Variants in FER observed in about 807,000 individuals in gnomAD.
FER encodes FER tyrosine kinase, also known as tyrosine-protein kinase Fer.
FER carries 63 observed loss-of-function variants against 111.0 expected under a neutral mutation model. The observed-to-expected ratio is 0.57, with a 90% CI of 0.46 to 0.70. The LOEUF is 0.70. Ranked by LOEUF, FER falls within the 30% of genes least tolerant of loss-of-function variation. The pLI is 0.00. For missense variants in FER, 914 were observed against 954.0 expected (o/e 0.96, Z 0.55); for synonymous variants, 327 against 313.9 (o/e 1.04, Z -0.44).
At chr5:109,115,736 G>T (rs1750152418) in intron 17 of FER, among the ~76,000 whole-genome samples, 1 of 151,850 alleles carries the variant, frequency 6.6e-6, no homozygotes, top group African/African-American at 2.4e-5. Context: ...GCTTCCAATT[G>T]TTTTGTGGTT....
Position 109,189,451 on chromosome 5 carries a change from A to C in FER, c.*1876A>C, listed in dbSNP as rs765711828. 6.6e-6 allele frequency: 1 copy of C among 152,230 alleles called. No individual in the cohort carries two copies. The highest frequency in any genetic ancestry group is 1.5e-5 in the Non-Finnish European group (1 of 68,036). The allele number at this position is 152,230 out of a possible 1,614,324, so 9.4% of individuals were successfully genotyped here. On this transcript the variant is annotated 3_prime_UTR_variant, in exon 20 of 20. Coordinates refer to ENST00000281092, the MANE Select transcript of FER (RefSeq NM_005246.4). The stretch of plus-strand genomic sequence containing the variant: ...AGTACTTTAGAGTATGAAAGATAAT[A>C]CTGAAGAGAAAAGTGACTTGTATCT...
intron 16 of FER, among the ~76,000 whole-genome samples, chr5:109,067,761 A>T (rs1775290976): frequency 6.6e-6 from 1 of 152,110 alleles, no homozygotes; most frequent in Non-Finnish European, 1.5e-5. Flanking sequence ...ATCTAAATAG[A>T]TATGGTATAG....
chr5:109,041,980 C>A (rs1771244503), intron 14 of FER, among the ~76,000 whole-genome samples: 1 of 152,030 alleles, frequency 6.6e-6, no homozygotes, highest in African/African-American at 2.4e-5. Flanking sequence ...TGGGTCTTCT[C>A]AAGTGAGAGC....
intron 13 of FER, among the ~76,000 whole-genome samples, chr5:109,020,674 T>G (rs78504582): frequency 0.011 from 1,647 of 152,118 alleles, 26 homozygotes; most frequent in African/African-American, 0.038. Context: ...TTGTGAACTT[T>G]TGGCACACAC....
intron 10 of FER, among the ~76,000 whole-genome samples, chr5:108,902,893 T>G (rs970165407): frequency 3.3e-5 from 5 of 151,134 alleles, no homozygotes; most frequent in Non-Finnish European, 5.9e-5. Flanking sequence ...ATCAGCTGCT[T>G]TCTTATTATA....
intron 16 of FER, among the ~76,000 whole-genome samples, chr5:109,091,234 G>A (rs1746705871): frequency 6.6e-6 from 1 of 152,176 alleles, no homozygotes; most frequent in African/African-American, 2.4e-5. Context: ...CACTTTTAAG[G>A]GGGCTGGGGA....
Position 108,954,729 on chromosome 5 carries a change from C to A in FER, c.1330C>A (p.Leu444Ile). The A allele has an allele frequency of 6.6e-7, 1 of 1,522,206 alleles. No homozygotes were observed. The highest frequency in any genetic ancestry group is 8.8e-7 in the Non-Finnish European group (1 of 1,136,998). 94.3% of individuals were successfully genotyped at this position (1,522,206 alleles called of 1,614,324 possible). The change falls in exon 12 of 20, where the codon CTT (leucine) becomes ATT (isoleucine). Residue 444 changes from leucine to isoleucine, a missense_variant and splice_region_variant. Transcript: ENST00000281092. The stretch of plus-strand genomic sequence containing the variant: ...TTTTTTTTTTTAATATTTGTTTAAG[C>A]TTTCTGATATGATCTCCATCAGTGA... ...SPKSALGSSA[L>I]SDMISISEKP...
intron 1 of FER, among the ~76,000 whole-genome samples, chr5:108,760,302 A>C (rs767184651): frequency 6.6e-6 from 1 of 151,842 alleles, no homozygotes; most frequent in Non-Finnish European, 1.5e-5. Context: ...TATCATTCTT[A>C]TGGACTCTGC....
chr5:109,031,005 A>G (rs959178888), intron 13 of FER, among the ~76,000 whole-genome samples: 20 of 151,568 alleles, frequency 1.3e-4, no homozygotes, highest in African/African-American at 4.6e-4. Context: ...GGGCCATCCC[A>G]GTATTTCTTG....
chr5:108,893,948 G>A (rs1748613089), intron 9 of FER, among the ~76,000 whole-genome samples: 1 of 150,642 alleles, frequency 6.6e-6, no homozygotes, highest in African/African-American at 2.4e-5. Flanking sequence ...CCAAGACTGG[G>A]TAAATTATAA....
intron 16 of FER, among the ~76,000 whole-genome samples, chr5:109,049,339 C>G (rs915217627): frequency 6.6e-6 from 1 of 152,132 alleles, no homozygotes; most frequent in South Asian, 2.1e-4. Context: ...AATCTGCTAC[C>G]AAGCTCATTC....
chr5:109,129,568 T>A (rs1299481825), intron 17 of FER, among the ~76,000 whole-genome samples: 1 of 152,036 alleles, frequency 6.6e-6, no homozygotes, highest in Non-Finnish European at 1.5e-5. Context: ...TAAAAGGGTT[T>A]GAAACATATT....
At chr5:108,799,032 C>T (rs1419065466) in intron 3 of FER, among the ~76,000 whole-genome samples, 1 of 152,072 alleles carries the variant, frequency 6.6e-6, no homozygotes, top group Non-Finnish European at 1.5e-5. Flanking sequence ...TAAACCACTC[C>T]CTGAATTCTT....
At chr5:109,065,464 AT>A (rs1465101956) in intron 16 of FER, among the ~76,000 whole-genome samples, 1 of 152,154 alleles carries the variant, frequency 6.6e-6, no homozygotes, top group African/African-American at 2.4e-5. Flanking sequence ...TGCCTTTTTA[AT>A]TGTAAGTTAG....
At chr5:108,773,520 A>G (rs1050732017) in intron 2 of FER, among the ~76,000 whole-genome samples, 1 of 152,224 alleles carries the variant, frequency 6.6e-6, no homozygotes, top group African/African-American at 2.4e-5. Flanking sequence ...TTCAAAGGAC[A>G]TAATCTCATT....
Position 109,187,585 on chromosome 5 carries a change from G to A in FER, c.*10G>A, listed in dbSNP as rs768003781. On this transcript the variant is annotated 3_prime_UTR_variant, in exon 20 of 20. Transcript: ENST00000281092. ...GAGAAAACTCACATAGTGACAGGAT[G>A]GCGCCAAACTCAGCCTTCAGGACTC... 8.7e-6 allele frequency: 14 copies of A among 1,613,920 alleles called. No homozygotes were observed. The East Asian group carries it at 2.9e-4, about 33-fold the overall frequency.
At chr5:109,023,093 G>A (rs928286110) in intron 13 of FER, among the ~76,000 whole-genome samples, 11 of 152,082 alleles carry the variant, frequency 7.2e-5, no homozygotes, top group Admixed American at 7.2e-4. Context: ...GACTATTATA[G>A]TGACCTGTGG....
chr5:109,025,699 A>C (rs566538307), intron 13 of FER, among the ~76,000 whole-genome samples: 8 of 151,864 alleles, frequency 5.3e-5, no homozygotes, highest in Admixed American at 3.3e-4. Context: ...GTCTTGTGCC[A>C]GTTTTCAAAG....
chr5:109,058,405 A>T (rs992738241), intron 16 of FER, among the ~76,000 whole-genome samples: 2 of 152,110 alleles, frequency 1.3e-5, no homozygotes, highest in Admixed American at 6.5e-5. Flanking sequence ...TTGTTTGAAT[A>T]TGTTTTCTTT....
Sources: allele counts gnomAD v4.1 joint callset (sites outside exome capture counted in the v4.1 genomes callset), GRCh38; gene constraint gnomAD v4.1.1; transcripts MANE v1.5; gene names NCBI Gene and HGNC (gene_info 2026-07-23, HGNC 2026-07-21).